The following DNAJC21 variants were observed in gnomAD, a reference collection of about 807,000 sequenced individuals.
The protein encoded by DNAJC21 is DnaJ heat shock protein family (Hsp40) member C21.
DNAJC21 carries 63 observed loss-of-function variants against 72.4 expected under a neutral mutation model. The observed-to-expected ratio is 0.87, with a 90% CI of 0.71 to 1.07. The LOEUF is 1.07. Ranked by LOEUF, DNAJC21 falls within the 50% of genes least tolerant of loss-of-function variation. DNAJC21 has a pLI of 0.00. For missense variants in DNAJC21, 634 were observed against 644.8 expected, an observed-to-expected ratio of 0.98 and a Z score of 0.18; for synonymous variants, 203 against 216.7, an observed-to-expected ratio of 0.94 and a Z score of 0.56.
chr5:34,938,391 C>T (rs1045902079), intron 5 of DNAJC21, among the ~76,000 whole-genome samples: 3 of 152,126 alleles, frequency 2.0e-5, no homozygotes, highest in African/African-American at 4.8e-5. Flanking sequence ...CTTTAGCCAC[C>T]GTGCAGTACT....
chr5:34,936,918 T>C (rs550544686), intron 4 of DNAJC21, among the ~76,000 whole-genome samples: 1 of 152,186 alleles, frequency 6.6e-6, no homozygotes, highest in East Asian at 1.9e-4. Flanking sequence ...GCTCAGCTAA[T>C]TTTTGTATTT....
rs1157026895 is a variant in DNAJC21, at chr5:34,944,869, T to C, written c.986T>C (p.Met329Thr). Residue 329 changes from methionine to threonine, a missense_variant and splice_region_variant, in exon 8 of 12, where the codon ATG becomes ACG. Physicochemically the swap from Met to Thr is moderately conservative, Grantham distance 81. Transcript: ENST00000648817. Reference sequence around the variant, plus strand: ...CTCACGTCAGATTGCTCTTTCAGCATGAAGAATCACGAGAAGTCAAAGAAG... The same window carrying C: ...CTCACGTCAGATTGCTCTTTCAGCACGAAGAATCACGAGAAGTCAAAGAAG... ...CDKSFKTEKA[M>T]KNHEKSKKHR... 9 of 1,614,128 alleles carry C rather than the reference T, an allele frequency of 5.6e-6. No individual in the cohort carries two copies. Among genetic ancestry groups the C allele is most frequent in the Non-Finnish European group, 7.6e-6 (9 of 1,179,996 alleles).
chr5:34,948,009 T>C (rs962598574), intron 9 of DNAJC21, among the ~76,000 whole-genome samples: 1 of 152,158 alleles, frequency 6.6e-6, no homozygotes, highest in African/African-American at 2.4e-5. Context: ...TGTATTGACA[T>C]CTTAATAAAA....
intron 10 of DNAJC21, chr5:34,951,100 G>A (rs754290168): frequency 2.3e-5 from 23 of 985,352 alleles, no homozygotes; most frequent in East Asian, 1.1e-4. Flanking sequence ...TGTGTACTTC[G>A]GAGTTTAAGG....
At position 34,953,633 on chromosome 5, in the gene DNAJC21, ATC is replaced by A. The variant is rs149449591; in HGVS notation, c.1359-289_1359-288del. ...GTATTAAACACTGTATAAAACATTTATCTCTGTATAAAACATTCAGAGATATT... is the reference window on the plus strand; with the variant it reads ...GTATTAAACACTGTATAAAACATTTATCTGTATAAAACATTCAGAGATATT... On this transcript the variant is annotated intron_variant, in intron 10 of 11. Transcript: ENST00000648817. The A allele has an allele frequency of 3.9e-3, 1,062 of 272,022 alleles. 15 individuals carry two copies. The highest frequency in any genetic ancestry group is 0.023 in the African/African-American group (1,021 of 44,716). The allele number at this position is 272,022 out of a possible 1,614,324, so 16.9% of individuals were successfully genotyped here.
At chr5:34,948,664 A>G (rs1435575916) in intron 9 of DNAJC21, among the ~76,000 whole-genome samples, 2 of 152,346 alleles carry the variant, frequency 1.3e-5, no homozygotes, top group South Asian at 2.1e-4. Context: ...CAGGAGTTCA[A>G]GATCAGCTTG....
chr5:34,945,125 T>G, intron 8 of DNAJC21, 100 bp downstream of exon 8: 2 of 1,404,586 alleles, frequency 1.4e-6, no homozygotes, highest in Non-Finnish European at 1.9e-6. Context: ...TTGCCCAGGC[T>G]GGGGTGCAGT....
In DNAJC21 at chr5:34,954,686, G is replaced by A. The variant is rs752909229; in HGVS notation, c.1568G>A (p.Ser523Asn). The A allele has an allele frequency of 6.2e-6, 10 of 1,609,360 alleles. No individual in the cohort carries two copies. The African/African-American group carries it at 1.2e-4, about 19-fold the overall frequency. Reference protein sequence around the residue: ...SSLNSATSSQSKKEKRKNR With the variant: ...SSLNSATSSQNKKEKRKNR ...TTAAACAGCGCAACAAGTAGTCAAA[G>A]CAAGAAAGAGAAACGTAAAAACAGA... The change falls in exon 12 of 12, where the codon AGC becomes AAC. Residue 523 changes from serine (S) to asparagine (N), a missense_variant. Ser to Asn is a conservative substitution (Grantham distance 46, BLOSUM62 1). Transcript: ENST00000648817.
In DNAJC21 at chr5:34,954,464, G is replaced by A. The variant is rs1580544213; in HGVS notation, c.1435-89G>A. On this transcript the variant is annotated intron_variant, in intron 11 of 11. Transcript: ENST00000648817. ...GTTAAAACATCTTTATTTTACAATTGTTTGATGCTTAATCTTGATATTAAA... is the reference window on the plus strand; with the variant it reads ...GTTAAAACATCTTTATTTTACAATTATTTGATGCTTAATCTTGATATTAAA... 4 of 1,414,198 alleles carry A rather than the reference G, an allele frequency of 2.8e-6. No individual in the cohort carries two copies. The African/African-American group carries it at 4.4e-5, about 15-fold the overall frequency. The allele number at this position is 1,414,198 out of a possible 1,614,324, so 87.6% of individuals were successfully genotyped here.
chr5:34,952,569 G>A (rs1457705641), intron 10 of DNAJC21: 2 of 152,148 alleles, frequency 1.3e-5, no homozygotes, highest in African/African-American at 4.8e-5. Flanking sequence ...TAGCACAAAT[G>A]GGGGAAAGTA....
chr5:34,936,010 C>G, intron 3 of DNAJC21, 134 bp from the exon 4 acceptor site: 8 of 1,427,662 alleles, frequency 5.6e-6, no homozygotes, highest in Non-Finnish European at 7.5e-6. Context: ...TAGTTGAAAT[C>G]TAAATGTATT....
chr5:34,943,223 C>T (rs1340034907), intron 7 of DNAJC21, among the ~76,000 whole-genome samples: 1 of 152,206 alleles, frequency 6.6e-6, no homozygotes, highest in African/African-American at 2.4e-5. Flanking sequence ...GAATTTTTCT[C>T]CAATACAGAA....
Position 34,938,963 on chromosome 5 carries a change from G to C in DNAJC21, c.849G>C (p.Ser283=), listed in dbSNP as rs144333220. 1.9e-6 allele frequency: 3 copies of C among 1,613,428 alleles called. No homozygotes were observed. In the African/African-American group the frequency reaches 4.0e-5, roughly 22 times the overall value. The part of the protein sequence containing the change: ...ARYEKEFGDG[S]DENEMEEHEL... ...ACGAGAAGGAGTTTGGAGATGGATC[G>C]GATGAAAATGAAATGGAAGAACATG... Residue 283 remains serine, a synonymous_variant, in exon 6 of 12, where the codon TCG becomes TCC. Coordinates refer to ENST00000648817, the MANE Select transcript of DNAJC21 (RefSeq NM_001012339.3).
At chr5:34,951,153 A>G (rs1340355735) in intron 10 of DNAJC21, 2 of 985,498 alleles carry the variant, frequency 2.0e-6, no homozygotes, top group Non-Finnish European at 2.4e-6. Context: ...GGTGAGACCT[A>G]CAGTATGACT....
At position 34,950,336 on chromosome 5, in the gene DNAJC21, C is replaced by G. The variant is rs768548154; in HGVS notation, c.1352C>G (p.Ala451Gly). The change falls in exon 10 of 12, where the codon GCT (alanine) becomes GGT (glycine). Residue 451 changes from alanine (A) to glycine (G), a missense_variant. Physicochemically the swap from Ala to Gly is moderately conservative, Grantham distance 60 (BLOSUM62 0). Transcript: ENST00000648817. ...CCATGTGATGATCCAAAAAGTGAAG[C>G]TAAAAGGTAAGTCAAAGTTGCATAT... The part of the protein sequence containing the change: ...IKPCDDPKSE[A>G]KSVPKPKGKK... 5.6e-6 allele frequency: 9 copies of G among 1,607,946 alleles called. No homozygotes were observed. Among genetic ancestry groups the G allele is most frequent in the Non-Finnish European group, 7.6e-6 (9 of 1,177,812 alleles).
In DNAJC21 at chr5:34,957,500, T is replaced by G. The variant is rs1263640428; in HGVS notation, c.*2786T>G. 2.6e-3 allele frequency: 1 copy of G among 384 alleles called. No individual in the cohort carries two copies. The highest frequency in any genetic ancestry group is 0.011 in the African/African-American group (1 of 90). 0.0% of individuals were successfully genotyped at this position (384 alleles called of 1,614,324 possible). A position where few individuals can be genotyped will look rare whatever the true frequency, so the allele number is the denominator to read the frequency against. On this transcript the variant is annotated 3_prime_UTR_variant, in exon 12 of 12. Transcript: ENST00000648817. The stretch of plus-strand genomic sequence containing the variant: ...AGGAAAAGCAGAGCTGTGAATGAGT[T>G]AGTGGAGGTCAAGTCACATCAGAGT...
At position 34,937,553 on chromosome 5, in the gene DNAJC21, A is replaced by G; in HGVS notation, c.666A>G (p.Lys222=). 2 of 1,614,016 alleles carry G rather than the reference A, an allele frequency of 1.2e-6. No individual in the cohort carries two copies. Among genetic ancestry groups the G allele is most frequent in the Non-Finnish European group, 1.7e-6 (2 of 1,179,886 alleles). The change falls in exon 5 of 12, where the codon AAA becomes AAG. Residue 222 remains lysine (K), a synonymous_variant. Coordinates refer to ENST00000648817, the MANE Select transcript of DNAJC21 (RefSeq NM_001012339.3). ...KRDKRVQAHR[K]LVEEQNAEKA... Reference sequence around the variant, plus strand: ...ATAAAAGAGTGCAGGCGCATCGAAAACTTGTGGAAGAACAGAATGCAGAGA... The same window carrying G: ...ATAAAAGAGTGCAGGCGCATCGAAAGCTTGTGGAAGAACAGAATGCAGAGA...
rs553026305 is a variant in DNAJC21, at chr5:34,953,970, C to T, written c.1403C>T (p.Pro468Leu). The change falls in exon 11 of 12, where the codon CCT becomes CTT. Residue 468 changes from proline to leucine, a missense_variant. Transcript: ENST00000648817. Reference sequence around the variant, plus strand: ...AAGAAAACCAAAGATATGAAAAAACCTGTCAGAGTACCTGCTGAACCACAA... The same window carrying T: ...AAGAAAACCAAAGATATGAAAAAACTTGTCAGAGTACCTGCTGAACCACAA... ...KGKKTKDMKK[P>L]VRVPAEPQTM... 6.2e-7 allele frequency: 1 copy of T among 1,611,970 alleles called. No homozygotes were observed. Among genetic ancestry groups the T allele is most frequent in the Admixed American group, 1.7e-5 (1 of 59,616 alleles).
rs140403213 is a variant in DNAJC21 at position 34,935,640 on chromosome 5, AAGG to A, written c.192-67_192-65del. 4,673 of 1,595,128 alleles carry A rather than the reference AAGG, an allele frequency of 2.9e-3. 116 individuals carry two copies. The African/African-American group carries it at 0.055, about 19-fold the overall frequency. On this transcript the variant is annotated intron_variant, in intron 2 of 11. Coordinates refer to ENST00000648817, the MANE Select transcript of DNAJC21 (RefSeq NM_001012339.3). ...AAAAATGTACAATAATAATATTCAA[AAGG>A]AGCAAGAAATCCTTTTGAATTCTTA...
Sources: allele counts gnomAD v4.1 joint callset (sites outside exome capture counted in the v4.1 genomes callset), GRCh38; gene constraint gnomAD v4.1.1; transcripts MANE v1.5; gene names NCBI Gene and HGNC (gene_info 2026-07-23, HGNC 2026-07-21).